The following SLC35F4 variants were observed in gnomAD, a reference collection of about 807,000 sequenced individuals.
SLC35F4 encodes the protein solute carrier family 35 member F4, also known as chromosome 14 open reading frame 36.
Under a neutral mutation model 44.2 loss-of-function variants are expected in SLC35F4, and 24 were observed. The ratio of observed to expected loss-of-function variants is 0.54; its 90% CI spans 0.39 to 0.76. The LOEUF (loss-of-function observed/expected upper bound fraction) is 0.76. Among genes scored for constraint, SLC35F4 ranks in the 30% least tolerant of loss-of-function variants. The probability of loss-of-function intolerance (pLI) is 0.00; values close to 1 mark genes in which losing one functional copy is unlikely to be tolerated. For missense variants in SLC35F4, 562 were observed against 586.1 expected (o/e 0.96, Z 0.42); for synonymous variants, 238 against 223.6 (o/e 1.06, Z -0.57).
chr14:57,597,567 T>C (rs1188559615), intron 1 of SLC35F4, among the ~76,000 whole-genome samples: 2 of 152,200 alleles, frequency 1.3e-5, no homozygotes, highest in African/African-American at 4.8e-5. Flanking sequence ...AGCCACAGTT[T>C]GATGCAGCTG....
At chr14:57,890,594 AC>A (rs1399092161) in intron 1 of SLC35F4, among the ~76,000 whole-genome samples, 8 of 152,028 alleles carry the variant, frequency 5.3e-5, no homozygotes, top group African/African-American at 1.9e-4. Flanking sequence ...TTTTCCAATT[AC>A]CAATAAAAGG....
chr14:57,947,313 C>T (rs1191422358), intron 1 of SLC35F4, among the ~76,000 whole-genome samples: 3 of 150,642 alleles, frequency 2.0e-5, no homozygotes, highest in Admixed American at 6.6e-5. Context: ...GATTGAGTTC[C>T]TGATTTGATT....
At chr14:57,709,099 C>T (rs1255834336) in intron 1 of SLC35F4, among the ~76,000 whole-genome samples, 2 of 152,152 alleles carry the variant, frequency 1.3e-5, no homozygotes, top group Non-Finnish European at 2.9e-5. Flanking sequence ...CAGATAACTG[C>T]GGGCAGGCCC....
At chr14:57,603,448 A>G (rs1308524361) in intron 1 of SLC35F4, among the ~76,000 whole-genome samples, 1 of 152,206 alleles carries the variant, frequency 6.6e-6, no homozygotes, top group Non-Finnish European at 1.5e-5. Flanking sequence ...TTAATGGGAA[A>G]CAGTGCCCTA....
At chr14:57,568,714 C>T (rs2068331460) in intron 6 of SLC35F4, among the ~76,000 whole-genome samples, 2 of 152,152 alleles carry the variant, frequency 1.3e-5, no homozygotes, top group Admixed American at 6.5e-5. Context: ...CCAGGAATTG[C>T]AGTGCTGCTA....
intron 1 of SLC35F4, among the ~76,000 whole-genome samples, chr14:57,732,316 A>G (rs761999339): frequency 3.3e-5 from 5 of 152,204 alleles, no homozygotes; most frequent in South Asian, 2.1e-4. Flanking sequence ...TTCTTTGAAT[A>G]AACCCTTTGA....
At chr14:57,939,770 A>G (rs1171357667) in intron 1 of SLC35F4, among the ~76,000 whole-genome samples, 1 of 152,214 alleles carries the variant, frequency 6.6e-6, no homozygotes, top group East Asian at 1.9e-4. Context: ...CTTACAGACA[A>G]AATAAAGATA....
At chr14:57,964,717 G>A (rs921784230) in intron 1 of SLC35F4, among the ~76,000 whole-genome samples, 3 of 152,160 alleles carry the variant, frequency 2.0e-5, no homozygotes, top group Non-Finnish European at 2.9e-5. Context: ...CATGTAAAAG[G>A]CCTCAAGGTG....
intron 1 of SLC35F4, among the ~76,000 whole-genome samples, chr14:57,815,026 A>G (rs62004966): frequency 0.028 from 4,308 of 152,282 alleles, 116 homozygotes; most frequent in African/African-American, 0.075. Context: ...GAATACAGTC[A>G]TACTCATTTG....
intron 1 of SLC35F4, among the ~76,000 whole-genome samples, chr14:57,756,723 T>TGGCTCCCTGCAGCCTTG (rs1821604454): frequency 6.6e-6 from 1 of 152,238 alleles, no homozygotes; most frequent in Admixed American, 6.5e-5. Flanking sequence ...GGCATGATCT[T>TGGCTCCCTGCAGCCTTG]GGCTCCCTGC....
chr14:57,792,191 A>G (rs1366073021), intron 1 of SLC35F4, among the ~76,000 whole-genome samples: 2 of 152,166 alleles, frequency 1.3e-5, no homozygotes, highest in African/African-American at 2.4e-5. Context: ...AGGGAAATGC[A>G]AATCAAAATG....
chr14:57,612,759 ATGCTCAAGAAATAT>A (rs937165035), intron 1 of SLC35F4, among the ~76,000 whole-genome samples: 2 of 152,228 alleles, frequency 1.3e-5, no homozygotes, highest in African/African-American at 4.8e-5. Context: ...CCAACTACGC[ATGCTCAAGAAATAT>A]TTAAGTGACT....
intron 1 of SLC35F4, among the ~76,000 whole-genome samples, chr14:57,689,347 C>T (rs1395021558): frequency 6.6e-6 from 1 of 152,114 alleles, no homozygotes; most frequent in Non-Finnish European, 1.5e-5. Flanking sequence ...CTCATTGTTA[C>T]TGGCTTAATT....
chr14:57,964,326 A>G (rs565581183), intron 1 of SLC35F4, among the ~76,000 whole-genome samples: 1 of 152,216 alleles, frequency 6.6e-6, no homozygotes, highest in East Asian at 1.9e-4. Context: ...GGAGGAAGAC[A>G]CCAAAGTAGG....
At chr14:57,775,519 G>A (rs1000703353) in intron 1 of SLC35F4, among the ~76,000 whole-genome samples, 1 of 152,216 alleles carries the variant, frequency 6.6e-6, no homozygotes, top group Non-Finnish European at 1.5e-5. Flanking sequence ...ACAATATGCA[G>A]TCTAGGAGTT....
intron 1 of SLC35F4, among the ~76,000 whole-genome samples, chr14:57,920,129 G>T (rs988810827): frequency 1.3e-5 from 2 of 152,120 alleles, no homozygotes; most frequent in African/African-American, 4.8e-5. Flanking sequence ...TGTATGAAAC[G>T]TGTATCTTCC....
At chr14:57,646,024 C>T (rs1382844163) in intron 1 of SLC35F4, among the ~76,000 whole-genome samples, 4 of 152,234 alleles carry the variant, frequency 2.6e-5, no homozygotes, top group South Asian at 4.1e-4. Flanking sequence ...ATTCGGTTTG[C>T]CAGTATTTTA....
intron 1 of SLC35F4, among the ~76,000 whole-genome samples, chr14:57,682,133 T>C (rs975164125): frequency 3.3e-5 from 5 of 152,144 alleles, no homozygotes; most frequent in Non-Finnish European, 2.9e-5. Flanking sequence ...GACCCAGCAA[T>C]CCCGTTACTG....
At chr14:57,591,253 G>A (rs147338514) in intron 2 of SLC35F4, among the ~76,000 whole-genome samples, 3,827 of 152,206 alleles carry the variant, frequency 0.025, 72 homozygotes, top group South Asian at 0.048. Flanking sequence ...ATAAGAGCCA[G>A]CTCAGACAGA....
Sources: gnomAD v4.1 joint callset for allele counts (sites outside exome capture counted in the v4.1 genomes callset) on GRCh38, gnomAD v4.1.1 for gene constraint, MANE v1.5 for transcripts, NCBI Gene and HGNC (gene_info 2026-07-23, HGNC 2026-07-21) for gene names.